The following UNKL variants were observed in gnomAD, a reference collection of about 807,000 sequenced individuals.
UNKL encodes the protein unk like zinc finger, also known as putative E3 ubiquitin-protein ligase UNKL.
Under a neutral mutation model 78.0 loss-of-function variants are expected in UNKL, and 60 were observed. The observed-to-expected ratio is 0.77, with a 90% CI of 0.63 to 0.95. The LOEUF is 0.95. UNKL is among the 40% of genes least tolerant of loss of function. The pLI is 0.00. For synonymous variants in UNKL, 608 were observed against 474.8 expected (o/e 1.28, Z -3.65); for missense variants, 1,159 against 1,045.7 (o/e 1.11, Z -1.49).
At chr16:1,388,973 G>A (rs1159610651) in intron 9 of UNKL, among the ~76,000 whole-genome samples, 1 of 152,138 alleles carries the variant, frequency 6.6e-6, no homozygotes, top group African/African-American at 2.4e-5. Flanking sequence ...CATCCACACC[G>A]CTGTGCAGCC....
intron 7 of UNKL, among the ~76,000 whole-genome samples, chr16:1,393,479 C>T (rs2037135370): frequency 6.6e-6 from 1 of 151,984 alleles, no homozygotes; most frequent in African/African-American, 2.4e-5. Flanking sequence ...GAACCCAAAC[C>T]CCAGGGCTGC....
chr16:1,405,846 G>A (rs1315047653), intron 2 of UNKL: 11 of 437,352 alleles, frequency 2.5e-5, no homozygotes, highest in Non-Finnish European at 4.2e-5. Flanking sequence ...GAGACCAGAG[G>A]ATAGGAGGCA....
chr16:1,367,426 G>A (rs1329499381), intron 13 of UNKL, 77 bp from the exon 14 acceptor site: 34 of 1,461,160 alleles, frequency 2.3e-5, no homozygotes, highest in East Asian at 1.5e-4. Flanking sequence ...TGTCACCAGC[G>A]ATCCTCCCCT....
rs1244061235 is a variant in UNKL, at chr16:1,392,950, C to G, written c.964G>C (p.Gly322Arg). 5.4e-5 allele frequency: 84 copies of G among 1,550,432 alleles called. No individual in the cohort carries two copies. The highest frequency in any genetic ancestry group is 7.0e-5 in the Non-Finnish European group (80 of 1,147,006). The part of the protein sequence containing the change: ...EKSLGMVNEW[G>R]CHDLHLTSPS... The stretch of plus-strand genomic sequence containing the variant: ...CTCGTGAGGTGGAGGTCGTGACAGC[C>G]CCATTCATTCACCATCCCCAGGCTC... Residue 322 changes from glycine (G) to arginine (R), a missense_variant, in exon 8 of 15, where the codon GGC becomes CGC. By Grantham distance (125) the Gly-to-Arg change is moderately radical. Transcript: ENST00000389221.
At chr16:1,390,363 C>T (rs143140801) in intron 9 of UNKL, among the ~76,000 whole-genome samples, 118 of 152,362 alleles carry the variant, frequency 7.7e-4, no homozygotes, top group African/African-American at 2.7e-3. Context: ...CTCCAAAGGG[C>T]CCCTCTTATT....
Position 1,399,346 on chromosome 16 carries a change from T to TCCTCTGA in UNKL, c.734+21_734+27dup. Reference sequence around the variant, plus strand: ...CGGGAAGGACGCCCACCAGCCGGAGTCCTCTGAGCACGGTCCCGCAGGCTC... The same window carrying TCCTCTGA: ...CGGGAAGGACGCCCACCAGCCGGAGTCCTCTGACCTCTGAGCACGGTCCCGCAGGCTC... On this transcript the variant is annotated intron_variant, in intron 5 of 14. Coordinates refer to ENST00000389221, the MANE Select transcript of UNKL (RefSeq NM_001372107.1). The surrounding 1 kb of genome is among the most constrained non-coding windows in gnomAD (Gnocchi z 5.8). 1 of 1,534,054 alleles carries TCCTCTGA rather than the reference T, an allele frequency of 6.5e-7. No individual in the cohort carries two copies.
rs984710190 is a variant in UNKL, at chr16:1,365,285, C to A, written c.*955G>T. The A allele has an allele frequency of 6.6e-6, 1 of 152,216 alleles. No homozygotes were observed. The highest frequency in any genetic ancestry group is 2.4e-5 in the African/African-American group (1 of 41,456). 9.4% of individuals were successfully genotyped at this position (152,216 alleles called of 1,614,324 possible). A position where few individuals can be genotyped will look rare whatever the true frequency, so the allele number is the denominator to read the frequency against. On this transcript the variant is annotated 3_prime_UTR_variant, in exon 15 of 15. Transcript: ENST00000389221. ...CACAGGCATGAGCCACCGCACCCAG[C>A]CAGAAGACAGCTGCTTAAAAAAGTA...
Position 1,367,076 on chromosome 16 carries a change from C to G in UNKL, c.2046+16G>C, listed in dbSNP as rs1177021786. 2.1e-5 allele frequency: 32 copies of G among 1,522,202 alleles called. No individual in the cohort carries two copies. The highest frequency in any genetic ancestry group is 2.6e-5 in the Non-Finnish European group (30 of 1,137,128). The allele number at this position is 1,522,202 out of a possible 1,614,324, so 94.3% of individuals were successfully genotyped here. A position where few individuals can be genotyped will look rare whatever the true frequency, so the allele number is the denominator to read the frequency against. On this transcript the variant is annotated intron_variant, in intron 14 of 14. Transcript: ENST00000389221. ...CAGGCAGGCTGGCCCCTCACCCTGC[C>G]CAGAGCAGGACTCACGCCGTCCACC...
At chr16:1,378,269 C>A (rs542096089) in intron 10 of UNKL, among the ~76,000 whole-genome samples, 3 of 152,218 alleles carry the variant, frequency 2.0e-5, no homozygotes, top group Non-Finnish European at 4.4e-5. Context: ...CCCTCATGCT[C>A]CCATACGGGG....
At chr16:1,376,993 C>A (rs7192116) in intron 10 of UNKL, among the ~76,000 whole-genome samples, 133,018 of 151,850 alleles carry the variant, frequency 0.88, 58,467 homozygotes, top group East Asian at 1. Context: ...AGGTGCGACG[C>A]CTGGGGTTCA....
intron 12 of UNKL, among the ~76,000 whole-genome samples, chr16:1,369,055 GTTTTTTTT>G (rs1218071522): frequency 2.0e-4 from 11 of 53,690 alleles, no homozygotes; most frequent in Admixed American, 1.2e-3. Flanking sequence ...CAAAGTATTA[GTTTTTTTT>G]TTTTTTTTTT....
At chr16:1,401,446 G>A (rs986156394) in intron 4 of UNKL, 122 bp downstream of exon 4, 23 of 1,254,422 alleles carry the variant, frequency 1.8e-5, no homozygotes, top group Admixed American at 3.4e-5. Flanking sequence ...CACGAGCCTC[G>A]GTTTCCCCAT....
chr16:1,398,892 G>T (rs1458392819), intron 5 of UNKL: 2 of 1,573,078 alleles, frequency 1.3e-6, no homozygotes, highest in East Asian at 2.3e-5. Flanking sequence ...GCGACCCTTG[G>T]GTTGTTGGCC....
chr16:1,375,423 C>G (rs115265808), intron 10 of UNKL, among the ~76,000 whole-genome samples: 1 of 152,226 alleles, frequency 6.6e-6, no homozygotes, highest in Non-Finnish European at 1.5e-5. Flanking sequence ...CTCGTCCACA[C>G]GCCAGCCGTG....
At position 1,363,385 on chromosome 16, in the gene UNKL, A is replaced by G. The variant is rs2034987359; in HGVS notation, c.*2855T>C. ...GTTAAGAAAATTCCATTCAAATAAC[A>G]TTCTCATGTAAATACTCAAACATAC... is the stretch of plus-strand genomic sequence containing the variant. On this transcript the variant is annotated 3_prime_UTR_variant, in exon 15 of 15. Coordinates refer to ENST00000389221, the MANE Select transcript of UNKL (RefSeq NM_001372107.1). 4.8e-6 allele frequency: 2 copies of G among 413,064 alleles called. No individual in the cohort carries two copies. The highest frequency in any genetic ancestry group is 4.3e-5 in the South Asian group (2 of 46,324). The allele number at this position is 413,064 out of a possible 1,614,324, so 25.6% of individuals were successfully genotyped here. A position where few individuals can be genotyped will look rare whatever the true frequency, so the allele number is the denominator to read the frequency against.
chr16:1,378,016 GCTT>G (rs1182646346), intron 10 of UNKL, among the ~76,000 whole-genome samples: 2 of 152,134 alleles, frequency 1.3e-5, no homozygotes, highest in South Asian at 2.1e-4. Context: ...GCCGGTCACC[GCTT>G]CCCAATGGGT....
rs2036887133 is a variant in UNKL at position 1,387,973 on chromosome 16, C to T, written c.1087-2588G>A. ...AGGCCACCGCCCGGGTCACAGTCAC[C>T]CCTGTGGATGTCCTCTCAGCTCCAT... On this transcript the variant is annotated intron_variant, in intron 9 of 14. Transcript: ENST00000389221. This position sits in a 1 kb window ranked among gnomAD's most constrained non-coding sequence, Gnocchi z 4.1. 6.6e-6 allele frequency among the ~76,000 whole-genome samples: 1 copy of T among 152,176 alleles called. No homozygotes were observed. The highest frequency in any genetic ancestry group is 2.1e-4 in the South Asian group (1 of 4,828).
chr16:1,386,230 G>A (rs1046804242), intron 9 of UNKL, among the ~76,000 whole-genome samples: 24 of 152,130 alleles, frequency 1.6e-4, no homozygotes, highest in South Asian at 6.2e-4. Flanking sequence ...CCAACATGGC[G>A]AAACCCTGTC....
chr16:1,399,154 G>T lies in UNKL; in HGVS notation c.734+220C>A. 9.0e-7 allele frequency: 1 copy of T among 1,105,802 alleles called. No homozygotes were observed. Among genetic ancestry groups the T allele is most frequent in the Non-Finnish European group, 1.2e-6 (1 of 802,680 alleles). 68.5% of individuals were successfully genotyped at this position (1,105,802 alleles called of 1,614,324 possible). On this transcript the variant is annotated intron_variant, in intron 5 of 14. Transcript: ENST00000389221. This position sits in a 1 kb window ranked among gnomAD's most constrained non-coding sequence, Gnocchi z 5.8. ...GGCCCCGGTAGGGGACTGCATGGGAGACACTGAGCGTAGGTGGGGAGGCCC... is the reference window on the plus strand; with the variant it reads ...GGCCCCGGTAGGGGACTGCATGGGATACACTGAGCGTAGGTGGGGAGGCCC...
Sources: allele counts gnomAD v4.1 joint callset (sites outside exome capture counted in the v4.1 genomes callset), GRCh38; gene constraint gnomAD v4.1.1; non-coding constraint Gnocchi (gnomAD v3.1); transcripts MANE v1.5; gene names NCBI Gene and HGNC (gene_info 2026-07-23, HGNC 2026-07-21).